TENM2: variants seen among roughly 807,000 people sequenced by gnomAD.
TENM2 encodes the protein teneurin transmembrane protein 2, also known as teneurin-2.
Under a neutral mutation model 245.2 loss-of-function variants are expected in TENM2, and 52 were observed. The ratio of observed to expected loss-of-function variants is 0.21; its 90% CI spans 0.17 to 0.27. The LOEUF (loss-of-function observed/expected upper bound fraction) is 0.27, where lower values mean the gene tolerates loss of function less well. Ranked by LOEUF, TENM2 falls within the 10% of genes least tolerant of loss-of-function variation. TENM2 has a pLI of 1.00. For synonymous variants in TENM2, 1,363 were observed against 1,438.9 expected, an observed-to-expected ratio of 0.95 and a Z score of 1.19; for missense variants, 3,046 against 3,666.8, an observed-to-expected ratio of 0.83 and a Z score of 4.37.
chr5:167,533,594 C>G (rs1771661750), intron 2 of TENM2, among the ~76,000 whole-genome samples: 1 of 152,022 alleles, frequency 6.6e-6, no homozygotes, highest in South Asian at 2.1e-4. Context: ...GTAGTTGGGA[C>G]TACAGGCATG....
chr5:167,449,509 C>CAGATAGATAGATGAT (rs1177844548), intron 2 of TENM2, among the ~76,000 whole-genome samples: 2 of 143,964 alleles, frequency 1.4e-5, no homozygotes, highest in Non-Finnish European at 3.0e-5. Context: ...TAAAGATATG[C>CAGATAGATAGATGAT]AGATAGATAG....
chr5:167,187,693 C>T, the TENM2 span, among the ~76,000 whole-genome samples: 1 of 152,084 alleles, frequency 6.6e-6, no homozygotes, highest in African/African-American at 2.4e-5. Flanking sequence ...TGTGTTCCTC[C>T]TCCTCTTTTC....
chr5:167,118,454 G>A, the TENM2 span, among the ~76,000 whole-genome samples: 1 of 152,118 alleles, frequency 6.6e-6, no homozygotes, highest in Non-Finnish European at 1.5e-5. Context: ...GATCTCGTAG[G>A]GATAGTCAAG....
intron 6 of TENM2, among the ~76,000 whole-genome samples, chr5:168,048,310 CT>C (rs1371749895): frequency 6.6e-6 from 1 of 152,128 alleles, no homozygotes; most frequent in African/African-American, 2.4e-5. Context: ...GTGAGATATG[CT>C]TAATTCGGGA....
At chr5:167,638,005 C>G (rs1779315845) in intron 2 of TENM2, among the ~76,000 whole-genome samples, 1 of 151,284 alleles carries the variant, frequency 6.6e-6, no homozygotes, top group Non-Finnish European at 1.5e-5. Flanking sequence ...ATTTGGGAGT[C>G]TGGCATGTAG....
chr5:167,066,415 T>C, the TENM2 span, among the ~76,000 whole-genome samples: 1 of 152,106 alleles, frequency 6.6e-6, no homozygotes, highest in Non-Finnish European at 1.5e-5. Context: ...AGTTTTAGGG[T>C]ACATGTGCAC....
chr5:167,159,410 G>A, the TENM2 span, among the ~76,000 whole-genome samples: 1 of 152,250 alleles, frequency 6.6e-6, no homozygotes, highest in African/African-American at 2.4e-5. Flanking sequence ...CTATTAGACA[G>A]CATGGTTACT....
chr5:168,242,470 G>A (rs1449037541), intron 25 of TENM2, among the ~76,000 whole-genome samples: 2 of 152,218 alleles, frequency 1.3e-5, no homozygotes, highest in Non-Finnish European at 2.9e-5. Flanking sequence ...GTTAAAGTCT[G>A]AAGGCCTAAG....
At chr5:167,613,141 A>G (rs1310339737) in intron 2 of TENM2, among the ~76,000 whole-genome samples, 1 of 152,152 alleles carries the variant, frequency 6.6e-6, no homozygotes, top group Non-Finnish European at 1.5e-5. Flanking sequence ...TTAAAAACCC[A>G]TGTTCTGGTG....
At chr5:167,119,838 C>T in the TENM2 span, among the ~76,000 whole-genome samples, 1 of 152,092 alleles carries the variant, frequency 6.6e-6, no homozygotes, top group Non-Finnish European at 1.5e-5. Context: ...TTTCTAAGAA[C>T]CGTGTCTGGT....
intron 1 of TENM2, chr5:167,306,182 T>C (rs1185170482): frequency 6.6e-6 from 1 of 152,128 alleles, no homozygotes; most frequent in Non-Finnish European, 1.5e-5. Flanking sequence ...TATATTCGAT[T>C]CGGTAAGAAT....
At chr5:167,311,201 T>C (rs2127754085) in intron 1 of TENM2, among the ~76,000 whole-genome samples, 1 of 152,340 alleles carries the variant, frequency 6.6e-6, no homozygotes, top group South Asian at 2.1e-4. Flanking sequence ...AGGATTAGTC[T>C]TTAAAGAGTC....
At chr5:167,133,824 GA>G in the TENM2 span, among the ~76,000 whole-genome samples, 283 of 133,260 alleles carry the variant, frequency 2.1e-3, no homozygotes, top group Non-Finnish European at 2.3e-3. Flanking sequence ...TGCTTGGGGC[GA>G]AAAAAAAAAA....
At chr5:167,011,740 A>ATTTCTTTGATGATT in the TENM2 span, among the ~76,000 whole-genome samples, 1 of 152,186 alleles carries the variant, frequency 6.6e-6, no homozygotes, top group Non-Finnish European at 1.5e-5. Context: ...ATTGAGAGTT[A>ATTTCTTTGATGATT]TGTTGATTTC....
At chr5:167,178,547 A>C in the TENM2 span, among the ~76,000 whole-genome samples, 3 of 152,138 alleles carry the variant, frequency 2.0e-5, no homozygotes, top group African/African-American at 7.2e-5. Context: ...TCACCATCAC[A>C]AAGGGTAATA....
In TENM2 at chr5:168,218,748, T is replaced by C. The variant is rs889238730; in HGVS notation, c.4857T>C (p.Tyr1619=). Reference sequence around the variant, plus strand: ...GGGAGTACTTGTACAATTTCACATATAGTACTGACAATGATGTCACTGAAT... The same window carrying C: ...GGGAGTACTTGTACAATTTCACATACAGTACTGACAATGATGTCACTGAAT... Residue 1619 remains tyrosine, a synonymous_variant, in exon 23 of 29, where the codon TAT becomes TAC. Coordinates refer to ENST00000518659, the Ensembl canonical transcript of TENM2. This position sits in a 1 kb window ranked among gnomAD's most constrained non-coding sequence, Gnocchi z 5.2. 6 of 1,614,012 alleles carry C rather than the reference T, an allele frequency of 3.7e-6. No individual in the cohort carries two copies. Among genetic ancestry groups the C allele is most frequent in the South Asian group, 2.2e-5 (2 of 91,076 alleles).
chr5:167,385,858 G>A (rs1048807403), intron 2 of TENM2, among the ~76,000 whole-genome samples: 1,456 of 30,550 alleles, frequency 0.048, 17 homozygotes, highest in African/African-American at 0.15. Context: ...ATATATATAT[G>A]TGTGTGTGTG....
At chr5:167,196,274 A>G in the TENM2 span, among the ~76,000 whole-genome samples, 13 of 152,028 alleles carry the variant, frequency 8.6e-5, no homozygotes, top group African/African-American at 3.1e-4. Flanking sequence ...GTAAAAATAA[A>G]GAATTATAGT....
the TENM2 span, among the ~76,000 whole-genome samples, chr5:167,094,822 G>T: frequency 1.3e-5 from 2 of 152,164 alleles, no homozygotes; most frequent in African/African-American, 4.8e-5. Flanking sequence ...TCAGGGGCAA[G>T]TGAATTTCTC....
Sources: gnomAD v4.1 joint callset for allele counts (sites outside exome capture counted in the v4.1 genomes callset) on GRCh38, gnomAD v4.1.1 for gene constraint, Gnocchi (gnomAD v3.1) non-coding constraint, MANE v1.5 for transcripts, NCBI Gene and HGNC (gene_info 2026-07-23, HGNC 2026-07-21) for gene names.